TENM2: variants seen among roughly 807,000 people sequenced by gnomAD.
The protein encoded by TENM2 is teneurin transmembrane protein 2.
In TENM2, 52 loss-of-function variants were observed where a neutral mutation model predicts 245.2. The observed-to-expected ratio is 0.21, with a 90% CI of 0.17 to 0.27. TENM2 has a LOEUF of 0.27. Among genes scored for constraint, TENM2 ranks in the 10% least tolerant of loss-of-function variants. The pLI, the probability that TENM2 is intolerant of heterozygous loss-of-function variation, is 1.00. For missense variants in TENM2, 3,046 were observed against 3,666.8 expected (o/e 0.83, Z 4.37); for synonymous variants, 1,363 against 1,438.9 (o/e 0.95, Z 1.19).
chr5:167,017,601 T>C, the TENM2 span, among the ~76,000 whole-genome samples: 1 of 152,234 alleles, frequency 6.6e-6, no homozygotes, highest in African/African-American at 2.4e-5. Context: ...CTTCTGAGTT[T>C]ATACACTGGT....
intron 2 of TENM2, among the ~76,000 whole-genome samples, chr5:167,680,377 A>C (rs181024932): frequency 6.6e-6 from 1 of 152,000 alleles, no homozygotes; most frequent in Non-Finnish European, 1.5e-5. Flanking sequence ...CATTATAAAG[A>C]CTGGGGGCAA....
chr5:167,455,946 A>G (rs886685819), intron 2 of TENM2, among the ~76,000 whole-genome samples: 1 of 152,128 alleles, frequency 6.6e-6, no homozygotes, highest in Admixed American at 6.5e-5. Flanking sequence ...GCACCAATTT[A>G]TTGTCCTTAT....
intron 2 of TENM2, among the ~76,000 whole-genome samples, chr5:167,632,218 T>C (rs1047937884): frequency 1.3e-5 from 2 of 152,124 alleles, no homozygotes; most frequent in African/African-American, 4.8e-5. Flanking sequence ...GGGCTTGACA[T>C]GGAAAGTCTG....
At chr5:167,919,922 A>G (rs1431190425) in intron 3 of TENM2, among the ~76,000 whole-genome samples, 1 of 152,182 alleles carries the variant, frequency 6.6e-6, no homozygotes, top group Non-Finnish European at 1.5e-5. Context: ...TAGAAATGGA[A>G]TAAATCAAGA....
intron 19 of TENM2, among the ~76,000 whole-genome samples, chr5:168,205,566 G>T (rs1200429192): frequency 1.3e-5 from 2 of 152,192 alleles, no homozygotes; most frequent in African/African-American, 4.8e-5. Context: ...GTTTGGCTAG[G>T]ATCTGAGTGA....
intron 2 of TENM2, among the ~76,000 whole-genome samples, chr5:167,814,319 C>G (rs1229771937): frequency 6.6e-6 from 1 of 151,982 alleles, no homozygotes; most frequent in Admixed American, 6.6e-5. Flanking sequence ...CACGTAGGCT[C>G]TTCTCTGAGT....
intron 1 of TENM2, among the ~76,000 whole-genome samples, chr5:167,314,406 A>G (rs1385092100): frequency 1.3e-5 from 2 of 152,172 alleles, no homozygotes; most frequent in Non-Finnish European, 2.9e-5. Context: ...AAGAGTTATT[A>G]TTTTATAGAT....
At chr5:167,734,297 C>T (rs1760645886) in intron 2 of TENM2, among the ~76,000 whole-genome samples, 1 of 152,050 alleles carries the variant, frequency 6.6e-6, no homozygotes, top group Non-Finnish European at 1.5e-5. Context: ...ACTGTGAGGA[C>T]TCACCTGAGA....
chr5:167,314,134 A>G (rs1430105459), intron 1 of TENM2, among the ~76,000 whole-genome samples: 1 of 152,254 alleles, frequency 6.6e-6, no homozygotes, highest in African/African-American at 2.4e-5. Context: ...AAGGACTGAT[A>G]TGAATATTAA....
chr5:168,250,249 T>C (rs2152698014), intron 27 of TENM2, among the ~76,000 whole-genome samples: 1 of 151,562 alleles, frequency 6.6e-6, no homozygotes, highest in South Asian at 2.1e-4. Flanking sequence ...GATGGGAGGA[T>C]GAATGGATAG....
intron 17 of TENM2, among the ~76,000 whole-genome samples, chr5:168,202,042 A>G (rs1761982503): frequency 6.6e-6 from 1 of 152,172 alleles, no homozygotes; most frequent in Non-Finnish European, 1.5e-5. Context: ...CCTTCCATCA[A>G]GAGGCACCTA....
chr5:167,133,678 T>G, the TENM2 span, among the ~76,000 whole-genome samples: 1 of 151,338 alleles, frequency 6.6e-6, no homozygotes, highest in Non-Finnish European at 1.5e-5. Context: ...CCTTTCCTGC[T>G]GGATTTGGTT....
intron 2 of TENM2, 98 bp downstream of exon 4, chr5:167,375,571 A>T: frequency 1.5e-6 from 2 of 1,307,180 alleles, no homozygotes; most frequent in Non-Finnish European, 2.1e-6. Context: ...TCATAAAACC[A>T]TTCATTTTCT....
chr5:167,426,305 T>G (rs1561944628), intron 2 of TENM2, among the ~76,000 whole-genome samples: 4 of 152,186 alleles, frequency 2.6e-5, no homozygotes, highest in African/African-American at 9.6e-5. Flanking sequence ...TTTTAAAAAG[T>G]AATCTTACAA....
At chr5:167,081,259 C>A in the TENM2 span, among the ~76,000 whole-genome samples, 4 of 151,476 alleles carry the variant, frequency 2.6e-5, no homozygotes, top group Admixed American at 1.3e-4. Flanking sequence ...TCATAAATAC[C>A]AATTTTATGA....
In TENM2 at chr5:167,292,251, C is replaced by T. The variant is rs72645736; in HGVS notation, c.226+7188C>T. 0.016 allele frequency among the ~76,000 whole-genome samples: 2,418 copies of T among 152,234 alleles called. 224 individuals are homozygous for T. In the East Asian group the frequency reaches 0.27, roughly 17 times the overall value. On this transcript the variant is annotated intron_variant, in intron 1 of 28. Coordinates refer to ENST00000518659, the Ensembl canonical transcript of TENM2. ...CTTCACATCCACTTTGCTACTGGGC[C>T]TTGGAATATTTTATCTTTACATATC...
intron 1 of TENM2, among the ~76,000 whole-genome samples, chr5:167,347,044 G>A (rs866994268): frequency 3.5e-4 from 53 of 151,552 alleles, no homozygotes; most frequent in African/African-American, 1.3e-3. Context: ...AAAGTGCTGT[G>A]ATTATTTGCA....
intron 2 of TENM2, among the ~76,000 whole-genome samples, chr5:167,505,582 A>G (rs1562009966): frequency 6.6e-6 from 1 of 152,188 alleles, no homozygotes; most frequent in Admixed American, 6.5e-5. Context: ...TAAAATACTC[A>G]ATTTGTATGG....
chr5:167,493,243 A>T (rs945501088), intron 2 of TENM2, among the ~76,000 whole-genome samples: 5 of 151,932 alleles, frequency 3.3e-5, no homozygotes, highest in African/African-American at 1.2e-4. Flanking sequence ...TTGCCACTGT[A>T]CTCCAGCCTG....
Sources: allele counts gnomAD v4.1 joint callset (sites outside exome capture counted in the v4.1 genomes callset), GRCh38; gene constraint gnomAD v4.1.1; transcripts MANE v1.5; gene names NCBI Gene and HGNC (gene_info 2026-07-23, HGNC 2026-07-21).